WHRN: variants seen among roughly 807,000 people sequenced by gnomAD.
The protein encoded by WHRN is CASK-interacting protein CIP98.
A neutral mutation model predicts 68.3 loss-of-function variants in WHRN; 41 were observed. That is an observed-to-expected ratio of 0.60 (90% CI 0.47 to 0.78). The LOEUF is 0.78. Among genes scored for constraint, WHRN ranks in the 30% least tolerant of loss-of-function variants. The probability of loss-of-function intolerance (pLI) is 0.00; values close to 1 mark genes in which losing one functional copy is unlikely to be tolerated. For missense variants in WHRN, 1,243 were observed against 1,244.7 expected (o/e 1.00, Z 0.02); for synonymous variants, 560 against 561.3 (o/e 1.00, Z 0.03).
At chr9:114,435,443 C>T (rs1837770821) in intron 3 of WHRN, among the ~76,000 whole-genome samples, 1 of 152,202 alleles carries the variant, frequency 6.6e-6, no homozygotes, top group Non-Finnish European at 1.5e-5. Flanking sequence ...CCCAGCTCTA[C>T]AGGCTGCAGC....
At chr9:114,503,977 G>A (rs758068566) in intron 1 of WHRN, among the ~76,000 whole-genome samples, 2 of 152,052 alleles carry the variant, frequency 1.3e-5, no homozygotes, top group Non-Finnish European at 2.9e-5. Flanking sequence ...CAAAGGCAAG[G>A]GCCATGTCTG....
rs956244598 is a variant in WHRN at position 114,470,208 on chromosome 9, C to T, written c.838-3816G>A. On this transcript the variant is annotated intron_variant, in intron 2 of 11. Coordinates refer to ENST00000362057, the MANE Select transcript of WHRN (RefSeq NM_015404.4). The stretch of plus-strand genomic sequence containing the variant: ...GCAAATCTTTGTCTCAGAGTCTATT[C>T]CCAGGAGCCCAGCCAAAGGCAGAGC... Among the ~76,000 whole-genome samples the T allele has an allele frequency of 2.6e-5, 4 of 152,212 alleles. No homozygotes were observed. In the South Asian group the frequency reaches 6.2e-4, roughly 24 times the overall value.
At chr9:114,421,343 C>A (rs1718022088) in intron 7 of WHRN, among the ~76,000 whole-genome samples, 1 of 152,184 alleles carries the variant, frequency 6.6e-6, no homozygotes, top group Non-Finnish European at 1.5e-5. Flanking sequence ...GGCTCCTGAC[C>A]CCTGCCCCAG....
chr9:114,486,982 TATATATATATATATATATATATATATA>T lies in WHRN; in HGVS notation c.619-8238_619-8212del, dbSNP rs1401957406. Reference sequence around the variant, plus strand: ...GTGTATATATATATATATATATATATATATATATATATATATATATATATATAATATATATAGTGTTTAGCACCTGGA... The same window carrying T: ...GTGTATATATATATATATATATATATATATATATAGTGTTTAGCACCTGGA... On this transcript the variant is annotated intron_variant, in intron 1 of 11. Transcript: ENST00000362057. Among the ~76,000 whole-genome samples the T allele has an allele frequency of 1.5e-3, 5 of 3,434 alleles. 1 individual carries two copies. Among genetic ancestry groups the T allele is most frequent in the Non-Finnish European group, 0.011 (5 of 458 alleles). 2.3% of individuals were successfully genotyped at this position (3,434 alleles called of 152,430 possible).
chr9:114,402,730 T>A lies in WHRN; in HGVS notation c.*24A>T. Reference sequence around the variant, plus strand: ...ACTGGGACCAGGGGCTGGGCAGTGGTGGGAGGCCCTCAGGCCTTGGCCTCT... The same window carrying A: ...ACTGGGACCAGGGGCTGGGCAGTGGAGGGAGGCCCTCAGGCCTTGGCCTCT... On this transcript the variant is annotated 3_prime_UTR_variant, in exon 12 of 12. Transcript: ENST00000362057. 1 of 1,613,258 alleles carries A rather than the reference T, an allele frequency of 6.2e-7. No homozygotes were observed. Among genetic ancestry groups the A allele is most frequent in the Non-Finnish European group, 8.5e-7 (1 of 1,179,790 alleles).
chr9:114,402,733 G>A lies in WHRN; in HGVS notation c.*21C>T, dbSNP rs1482766474. ...GGGACCAGGGGCTGGGCAGTGGTGG[G>A]AGGCCCTCAGGCCTTGGCCTCTAGA... On this transcript the variant is annotated 3_prime_UTR_variant, in exon 12 of 12. Coordinates refer to ENST00000362057, the MANE Select transcript of WHRN (RefSeq NM_015404.4). The A allele has an allele frequency of 6.2e-7, 1 of 1,613,436 alleles. No individual in the cohort carries two copies. The highest frequency in any genetic ancestry group is 8.5e-7 in the Non-Finnish European group (1 of 1,179,924).
At chr9:114,473,410 C>A (rs1248773156) in intron 2 of WHRN, among the ~76,000 whole-genome samples, 1 of 152,220 alleles carries the variant, frequency 6.6e-6, no homozygotes, top group African/African-American at 2.4e-5. Flanking sequence ...CCAGGGGACA[C>A]TGAAGGGACC....
At chr9:114,496,393 T>TA (rs1195146066) in intron 1 of WHRN, among the ~76,000 whole-genome samples, 1 of 152,156 alleles carries the variant, frequency 6.6e-6, no homozygotes, top group Admixed American at 6.5e-5. Context: ...TAGGAGCAAT[T>TA]ACGTTTTTAA....
intron 7 of WHRN, among the ~76,000 whole-genome samples, chr9:114,419,424 T>C (rs1272725447): frequency 6.6e-6 from 1 of 152,240 alleles, no homozygotes; most frequent in Non-Finnish European, 1.5e-5. Context: ...AGGGACTCAA[T>C]GGTAACCGCA....
At chr9:114,470,697 G>A (rs1341496218) in intron 2 of WHRN, among the ~76,000 whole-genome samples, 3 of 152,226 alleles carry the variant, frequency 2.0e-5, no homozygotes, top group South Asian at 2.1e-4. Context: ...TTCCTGCCAC[G>A]CCTGGCAGAG....
Position 114,495,525 on chromosome 9 carries a change from G to C in WHRN, c.618+8659C>G, listed in dbSNP as rs117375554. On this transcript the variant is annotated intron_variant, in intron 1 of 11. Transcript: ENST00000362057. ...GGAAATATCCACAATTTAAGAGCGA[G>C]AGAAAGCACAACGAGAAGGCAATTA... Among the ~76,000 whole-genome samples, 44 of 152,338 alleles carry C rather than the reference G, an allele frequency of 2.9e-4. No homozygotes were observed. The East Asian group carries it at 5.0e-3, about 17-fold the overall frequency.
intron 3 of WHRN, among the ~76,000 whole-genome samples, chr9:114,447,697 C>A (rs142209683): frequency 6.6e-6 from 1 of 152,090 alleles, no homozygotes; most frequent in Non-Finnish European, 1.5e-5. Flanking sequence ...GGTGATTAGG[C>A]CACAAGGACT....
intron 7 of WHRN, among the ~76,000 whole-genome samples, chr9:114,408,265 C>T (rs1835181770): frequency 6.6e-6 from 1 of 152,178 alleles, no homozygotes; most frequent in South Asian, 2.1e-4. Context: ...CCCTGAACTG[C>T]CAGAGATGCT....
Position 114,406,588 on chromosome 9 carries a change from T to G in WHRN, c.2003A>C (p.His668Pro). 6.2e-7 allele frequency: 1 copy of G among 1,610,798 alleles called. No homozygotes were observed. The highest frequency in any genetic ancestry group is 8.5e-7 in the Non-Finnish European group (1 of 1,177,792). Reference sequence around the variant, plus strand: ...GGGGTGTTGGTTGACCAGGGCCAGATGGGCGTCCAGCGGCCTCTTGGAGCT... The same window carrying G: ...GGGGTGTTGGTTGACCAGGGCCAGAGGGGCGTCCAGCGGCCTCTTGGAGCT... ...NPSSKRPLDA[H>P]LALVNQHPIG... Residue 668 changes from histidine (H) to proline (P), a missense_variant, in exon 9 of 12, where the codon CAT (histidine) becomes CCT (proline). His to Pro is a moderately conservative substitution (Grantham distance 77). Transcript: ENST00000362057.
chr9:114,477,455 A>G lies in WHRN; in HGVS notation c.837+1098T>C, dbSNP rs139379647. 8.5e-5 allele frequency among the ~76,000 whole-genome samples: 13 copies of G among 152,254 alleles called. No individual in the cohort carries two copies. In the East Asian group the frequency reaches 2.5e-3, roughly 29 times the overall value. On this transcript the variant is annotated intron_variant, in intron 2 of 11. Coordinates refer to ENST00000362057, the MANE Select transcript of WHRN (RefSeq NM_015404.4). ...ATTTCAGCCTTCCTGTGTTTCAAGA[A>G]ACAGTACAGGTCTGGGGTCAGGAGG...
chr9:114,461,833 C>A (rs1156245881), intron 3 of WHRN, among the ~76,000 whole-genome samples: 1 of 152,180 alleles, frequency 6.6e-6, no homozygotes, highest in Non-Finnish European at 1.5e-5. Context: ...GGTATTATTA[C>A]AATTGTAACT....
chr9:114,448,917 C>T (rs1045004167), intron 3 of WHRN, among the ~76,000 whole-genome samples: 2 of 152,188 alleles, frequency 1.3e-5, no homozygotes, highest in Non-Finnish European at 2.9e-5. Flanking sequence ...TACTATACAT[C>T]CCTAAGTCCT....
chr9:114,476,805 C>G (rs1355422276), intron 2 of WHRN, among the ~76,000 whole-genome samples: 1 of 152,112 alleles, frequency 6.6e-6, no homozygotes, highest in Non-Finnish European at 1.5e-5. Flanking sequence ...GATGATGACA[C>G]CTACCTCCCA....
intron 1 of WHRN, among the ~76,000 whole-genome samples, chr9:114,480,578 G>A (rs1842025146): frequency 6.6e-6 from 1 of 152,046 alleles, no homozygotes; most frequent in Non-Finnish European, 1.5e-5. Flanking sequence ...GAGAACAATG[G>A]CACCCTGATC....
Sources: allele counts gnomAD v4.1 joint callset (sites outside exome capture counted in the v4.1 genomes callset), GRCh38; gene constraint gnomAD v4.1.1; transcripts MANE v1.5; gene names NCBI Gene and HGNC (gene_info 2026-07-23, HGNC 2026-07-21).